Variants in PPFIA2 observed in about 807,000 individuals in gnomAD.
PPFIA2 encodes the protein liprin-alpha-2.
PPFIA2 carries 46 observed loss-of-function variants against 175.5 expected under a neutral mutation model. That is an observed-to-expected ratio of 0.26 (90% CI 0.21 to 0.34). PPFIA2 has a LOEUF of 0.34. Ranked by LOEUF, PPFIA2 falls within the 10% of genes least tolerant of loss-of-function variation. PPFIA2 has a pLI of 1.00. For missense variants in PPFIA2, 1,179 were observed against 1,506.1 expected, an observed-to-expected ratio of 0.78 and a Z score of 3.60; for synonymous variants, 568 against 511.4, an observed-to-expected ratio of 1.11 and a Z score of -1.49.
At chr12:81,665,205 A>T (rs1464291771) in intron 4 of PPFIA2, among the ~76,000 whole-genome samples, 1 of 152,038 alleles carries the variant, frequency 6.6e-6, no homozygotes, top group Non-Finnish European at 1.5e-5. Context: ...ACGTGAAAAA[A>T]ATTTACGGTA....
intron 8 of PPFIA2, among the ~76,000 whole-genome samples, chr12:81,389,024 G>A (rs895960333): frequency 1.2e-4 from 18 of 151,400 alleles, no homozygotes; most frequent in Admixed American, 7.9e-4. Flanking sequence ...ACACAGATTC[G>A]CTGTTCTGGA....
chr12:81,644,945 A>AGTGTTAAAACTGAAAAG (rs11271299), intron 4 of PPFIA2, among the ~76,000 whole-genome samples: 10 of 151,942 alleles, frequency 6.6e-5, no homozygotes, highest in Non-Finnish European at 1.3e-4. Flanking sequence ...TTAAAAGTTC[A>AGTGTTAAAACTGAAAAG]GAAAATGCAT....
intron 4 of PPFIA2, among the ~76,000 whole-genome samples, chr12:81,610,138 C>A (rs2895889): frequency 2.0e-5 from 3 of 151,990 alleles, no homozygotes; most frequent in Non-Finnish European, 4.4e-5. Context: ...AGGTCTTTTG[C>A]TAGTCTGATA....
chr12:81,727,645 C>T (rs145168274), intron 3 of PPFIA2, among the ~76,000 whole-genome samples: 17 of 151,400 alleles, frequency 1.1e-4, no homozygotes, highest in African/African-American at 4.1e-4. Context: ...TGCACATTAA[C>T]ATTTGAGAGG....
chr12:81,604,824 C>T (rs984501510), intron 4 of PPFIA2, among the ~76,000 whole-genome samples: 3 of 151,570 alleles, frequency 2.0e-5, no homozygotes, highest in Admixed American at 6.6e-5. Flanking sequence ...CTATCACAAC[C>T]ACCTCAATTT....
At chr12:81,660,564 C>T (rs183458968) in intron 4 of PPFIA2, among the ~76,000 whole-genome samples, 275 of 152,258 alleles carry the variant, frequency 1.8e-3, no homozygotes, top group African/African-American at 6.0e-3. Flanking sequence ...ACCAAATCTA[C>T]GTCCCATTGG....
At chr12:81,573,422 T>A (rs2072936599) in intron 4 of PPFIA2, among the ~76,000 whole-genome samples, 1 of 151,948 alleles carries the variant, frequency 6.6e-6, no homozygotes, top group African/African-American at 2.4e-5. Context: ...TCTGGAATGC[T>A]AACCATCTAT....
intron 4 of PPFIA2, among the ~76,000 whole-genome samples, chr12:81,519,310 G>A (rs2062830619): frequency 6.6e-6 from 1 of 152,100 alleles, no homozygotes; most frequent in African/African-American, 2.4e-5. Context: ...CTTTAAGGAA[G>A]GATATTAAAA....
In PPFIA2 at chr12:81,627,412, G is replaced by A. The variant is rs149103580; in HGVS notation, c.303+49379C>T. On this transcript the variant is annotated intron_variant, in intron 4 of 32. Coordinates refer to ENST00000549396, the MANE Select transcript of PPFIA2 (RefSeq NM_003625.5). ...TATCTCATGTACCCCATAAATATGTGCAACTATTATGTACCCATTAAATTA... is the reference window on the plus strand; with the variant it reads ...TATCTCATGTACCCCATAAATATGTACAACTATTATGTACCCATTAAATTA... Among the ~76,000 whole-genome samples the A allele has an allele frequency of 2.0e-4, 31 of 152,036 alleles. No homozygotes were observed. The East Asian group carries it at 4.8e-3, about 24-fold the overall frequency.
intron 4 of PPFIA2, among the ~76,000 whole-genome samples, chr12:81,630,066 G>A (rs1181596506): frequency 6.6e-6 from 1 of 152,134 alleles, no homozygotes; most frequent in East Asian, 1.9e-4. Flanking sequence ...TGGCTGAAGG[G>A]ACCATAAACC....
chr12:81,587,208 A>G (rs907615036), intron 4 of PPFIA2, among the ~76,000 whole-genome samples: 3 of 151,990 alleles, frequency 2.0e-5, no homozygotes, highest in African/African-American at 7.2e-5. Flanking sequence ...AGAGGGAAGG[A>G]CCTGTAATTC....
intron 22 of PPFIA2, among the ~76,000 whole-genome samples, chr12:81,301,180 A>C (rs2138369827): frequency 6.6e-6 from 1 of 152,032 alleles, no homozygotes; most frequent in Non-Finnish European, 1.5e-5. Flanking sequence ...AGAAGCACTA[A>C]TGGGGAGGTA....
chr12:81,279,598 A>C (rs2041557175), intron 27 of PPFIA2, among the ~76,000 whole-genome samples: 1 of 152,218 alleles, frequency 6.6e-6, no homozygotes, highest in Admixed American at 6.5e-5. Flanking sequence ...ACTTGCTTTA[A>C]GTTGGAGATT....
chr12:81,510,128 C>A (rs2061613624), intron 4 of PPFIA2, among the ~76,000 whole-genome samples: 1 of 151,974 alleles, frequency 6.6e-6, no homozygotes, highest in African/African-American at 2.4e-5. Context: ...TTCCAAACAG[C>A]TATTATATAT....
intron 3 of PPFIA2, among the ~76,000 whole-genome samples, chr12:81,717,333 T>G (rs1036211211): frequency 2.6e-5 from 4 of 151,700 alleles, no homozygotes; most frequent in African/African-American, 9.7e-5. Context: ...TGTTCTTATC[T>G]TATGGGTGAT....
chr12:81,644,041 T>C (rs1051624516), intron 4 of PPFIA2, among the ~76,000 whole-genome samples: 2 of 152,016 alleles, frequency 1.3e-5, no homozygotes, highest in African/African-American at 2.4e-5. Context: ...GTCAAGTTTT[T>C]TTGAATTAAA....
At chr12:81,686,665 G>A (rs577222157) in intron 3 of PPFIA2, among the ~76,000 whole-genome samples, 18 of 151,976 alleles carry the variant, frequency 1.2e-4, no homozygotes, top group Non-Finnish European at 7.4e-5. Context: ...ATGGCCAACC[G>A]CCAATTTCCT....
intron 4 of PPFIA2, among the ~76,000 whole-genome samples, chr12:81,620,159 C>CAAAAAAAAAA (rs376856927): frequency 3.1e-4 from 17 of 54,574 alleles, no homozygotes; most frequent in South Asian, 2.1e-3. Context: ...CACTCCTTCT[C>CAAAAAAAAAA]AAAAAAAAAA....
intron 4 of PPFIA2, among the ~76,000 whole-genome samples, chr12:81,557,477 C>A (rs541141299): frequency 2.0e-5 from 3 of 152,020 alleles, no homozygotes; most frequent in African/African-American, 4.8e-5. Flanking sequence ...AAAATCCCTG[C>A]ATATTTTCTT....
Sources: allele counts gnomAD v4.1 joint callset (sites outside exome capture counted in the v4.1 genomes callset), GRCh38; gene constraint gnomAD v4.1.1; transcripts MANE v1.5; gene names NCBI Gene and HGNC (gene_info 2026-07-23, HGNC 2026-07-21).